The following DYRK4 variants were observed in gnomAD, a reference collection of about 807,000 sequenced individuals.
DYRK4 encodes dual specificity tyrosine phosphorylation regulated kinase 4.
In DYRK4, 64 loss-of-function variants were observed where a neutral mutation model predicts 68.3. The ratio of observed to expected loss-of-function variants is 0.94; its 90% CI spans 0.77 to 1.15. DYRK4 has a LOEUF of 1.15. Among genes scored for constraint, DYRK4 ranks in the 50% most tolerant of loss-of-function variants. The pLI, the probability that DYRK4 is intolerant of heterozygous loss-of-function variation, is 0.00. For synonymous variants in DYRK4, 274 were observed against 289.9 expected (o/e 0.95, Z 0.56); for missense variants, 740 against 764.7 (o/e 0.97, Z 0.38).
chr12:4,569,211 T>C (rs1026642726), intron 2 of DYRK4, among the ~76,000 whole-genome samples: 3 of 152,218 alleles, frequency 2.0e-5, no homozygotes, highest in African/African-American at 7.2e-5. Context: ...ACAAAACACG[T>C]TTATTTTGCA....
At position 4,567,954 on chromosome 12, in the gene DYRK4, G is replaced by C. The variant is rs1365824936; in HGVS notation, c.39-1G>C. 1 of 1,535,948 alleles carries C rather than the reference G, an allele frequency of 6.5e-7. No homozygotes were observed. Among genetic ancestry groups the C allele is most frequent in the Admixed American group, 2.0e-5 (1 of 50,998 alleles). ...TTTATTTTTTACTTTCCCTCATGCA[G>C]GACTCAAATGGATGCTAAAAAGCCA... On this transcript the variant is annotated splice_acceptor_variant, in intron 1 of 14. Transcript: ENST00000543431. LOFTEE classifies it high-confidence loss of function.
rs866008182 is a variant in DYRK4, at chr12:4,604,916, T to C, written c.1129T>C (p.Tyr377His). Residue 377 changes from tyrosine to histidine, a missense_variant and splice_region_variant, in exon 11 of 15, where the codon TAC (tyrosine) becomes CAC (histidine). Tyr to His is a moderately conservative substitution (Grantham distance 83). Coordinates refer to ENST00000543431, the MANE Select transcript of DYRK4 (RefSeq NM_001394779.1). The part of the protein sequence containing the change: ...GSSCYEHQKV[Y>H]TYIQSRFYRS... ...TTTCTCTTACTTTGCCTCCGCAGTA[T>C]ACACGTACATCCAAAGCCGGTTCTA... The C allele has an allele frequency of 2.5e-6, 4 of 1,606,366 alleles. No homozygotes were observed. Among genetic ancestry groups the C allele is most frequent in the African/African-American group, 1.3e-5 (1 of 74,792 alleles).
intron 14 of DYRK4, 187 bp downstream of exon 14, chr12:4,612,905 T>C (rs187038869): frequency 1.7e-6 from 1 of 594,292 alleles, no homozygotes; most frequent in Admixed American, 3.0e-5. Flanking sequence ...TCAATTTCTC[T>C]AACCTCAACC....
intron 2 of DYRK4, among the ~76,000 whole-genome samples, chr12:4,584,259 G>A (rs1340021003): frequency 6.6e-6 from 1 of 152,182 alleles, no homozygotes; most frequent in African/African-American, 2.4e-5. Context: ...ATCTGTGCTT[G>A]GCACACTGCT....
chr12:4,562,349 T>C (rs983195770), intron 1 of DYRK4, 66 bp downstream of exon 1: 156 of 1,494,838 alleles, frequency 1.0e-4, no homozygotes, highest in Middle Eastern at 1.7e-4. Flanking sequence ...GCGACGAAGC[T>C]TCTGGTCGAC....
intron 2 of DYRK4, among the ~76,000 whole-genome samples, chr12:4,582,919 T>C (rs566191520): frequency 1.3e-5 from 2 of 152,222 alleles, no homozygotes; most frequent in South Asian, 4.1e-4. Flanking sequence ...AACTTACTAA[T>C]GTGATCAGAT....
intron 2 of DYRK4, among the ~76,000 whole-genome samples, chr12:4,582,120 T>C (rs1944848354): frequency 6.6e-6 from 1 of 152,222 alleles, no homozygotes; most frequent in Non-Finnish European, 1.5e-5. Flanking sequence ...CTTATCATGT[T>C]AGGCTTTGAG....
chr12:4,564,000 C>G (rs934385725), intron 1 of DYRK4, among the ~76,000 whole-genome samples: 3 of 152,152 alleles, frequency 2.0e-5, no homozygotes, highest in Admixed American at 6.5e-5. Context: ...GCCAGGAATA[C>G]CATAGAAAGA....
At chr12:4,586,026 A>C (rs75295508) in intron 2 of DYRK4, among the ~76,000 whole-genome samples, 2,294 of 152,238 alleles carry the variant, frequency 0.015, 46 homozygotes, top group African/African-American at 0.051. Context: ...CCAGCCTGGG[A>C]AAACAGCAAG....
intron 2 of DYRK4, among the ~76,000 whole-genome samples, chr12:4,587,509 T>A (rs1220585149): frequency 5.3e-5 from 8 of 152,266 alleles, no homozygotes; most frequent in African/African-American, 1.9e-4. Flanking sequence ...AATGTCAGCC[T>A]GTTATTGACG....
intron 6 of DYRK4, among the ~76,000 whole-genome samples, chr12:4,595,025 G>A (rs1361713982): frequency 3.9e-5 from 6 of 152,164 alleles, no homozygotes; most frequent in East Asian, 1.9e-4. Flanking sequence ...GTTGACTTGC[G>A]AACGAACAAT....
chr12:4,564,880 C>CA (rs1364525222), intron 1 of DYRK4, among the ~76,000 whole-genome samples: 1 of 152,206 alleles, frequency 6.6e-6, no homozygotes, highest in Non-Finnish European at 1.5e-5. Flanking sequence ...CAATATGAGA[C>CA]AAAAAATATA....
intron 1 of DYRK4, chr12:4,563,012 G>GCAACGGACAGCAT (rs1300790148): frequency 8.8e-6 from 4 of 455,430 alleles, no homozygotes; most frequent in Admixed American, 2.4e-5. Flanking sequence ...CATGTCTTAA[G>GCAACGGACAGCAT]CAACGGACAG....
intron 1 of DYRK4, among the ~76,000 whole-genome samples, chr12:4,562,685 G>A (rs1056182029): frequency 9.9e-5 from 15 of 152,112 alleles, no homozygotes; most frequent in African/African-American, 3.6e-4. Flanking sequence ...CTTGGTAGTC[G>A]TAAGTGGGTC....
At chr12:4,584,208 C>T (rs1944871277) in intron 2 of DYRK4, among the ~76,000 whole-genome samples, 1 of 152,192 alleles carries the variant, frequency 6.6e-6, no homozygotes, top group Admixed American at 6.5e-5. Context: ...GCTTAAAATA[C>T]AGGTTTCTGG....
intron 2 of DYRK4, chr12:4,581,018 C>T: frequency 2.7e-6 from 1 of 367,546 alleles, no homozygotes; most frequent in South Asian, 2.1e-5. Flanking sequence ...ATAAGATGAG[C>T]CAGTGCTTCT....
intron 11 of DYRK4, 96 bp from the exon 12 acceptor site, chr12:4,607,231 T>A: frequency 1.4e-6 from 2 of 1,384,776 alleles, no homozygotes; most frequent in Non-Finnish European, 2.0e-6. Context: ...AATCCTTATC[T>A]GTAGAAGGCA....
chr12:4,609,296 G>C (rs1478610593), intron 12 of DYRK4, among the ~76,000 whole-genome samples: 1 of 152,150 alleles, frequency 6.6e-6, no homozygotes, highest in Non-Finnish European at 1.5e-5. Flanking sequence ...TGGGGACTTG[G>C]CAAAAAAGCG....
intron 10 of DYRK4, among the ~76,000 whole-genome samples, chr12:4,600,561 GA>G (rs1945069871): frequency 6.7e-6 from 1 of 149,620 alleles, no homozygotes; most frequent in East Asian, 1.9e-4. Flanking sequence ...TCCTGAGGCT[GA>G]AGACGGGACT....
Sources: gnomAD v4.1 joint callset for allele counts (sites outside exome capture counted in the v4.1 genomes callset) on GRCh38, gnomAD v4.1.1 for gene constraint, MANE v1.5 for transcripts, NCBI Gene and HGNC (gene_info 2026-07-23, HGNC 2026-07-21) for gene names.